The following DGKB variants were observed in gnomAD, a reference collection of about 807,000 sequenced individuals.
DGKB encodes the protein diacylglycerol kinase beta.
In DGKB, 67 loss-of-function variants were observed where a neutral mutation model predicts 114.3. That is an observed-to-expected ratio of 0.59 (90% CI 0.48 to 0.72). The LOEUF (loss-of-function observed/expected upper bound fraction) is 0.72, where lower values mean the gene tolerates loss of function less well. Among genes scored for constraint, DGKB ranks in the 30% least tolerant of loss-of-function variants. DGKB has a pLI of 0.00. For synonymous variants in DGKB, 398 were observed against 323.1 expected (o/e 1.23, Z -2.49); for missense variants, 907 against 975.2 (o/e 0.93, Z 0.93).
At chr7:14,726,439 G>A (rs936109485) in intron 5 of DGKB, among the ~76,000 whole-genome samples, 1 of 152,030 alleles carries the variant, frequency 6.6e-6, no homozygotes, top group African/African-American at 2.4e-5. Context: ...GGCCAGAATC[G>A]GAGTTTTATA....
chr7:14,785,926 C>A (rs1401139384), intron 2 of DGKB, among the ~76,000 whole-genome samples: 1 of 150,312 alleles, frequency 6.7e-6, no homozygotes, highest in African/African-American at 2.5e-5. Flanking sequence ...GTAAGATCTA[C>A]GGATAAAGAA....
chr7:14,683,276 G>T (rs1821141865), intron 10 of DGKB, among the ~76,000 whole-genome samples: 1 of 152,194 alleles, frequency 6.6e-6, no homozygotes, highest in East Asian at 1.9e-4. Flanking sequence ...ATGTTATTTT[G>T]TCTCTTATCT....
At chr7:14,631,701 G>A (rs1202436660) in intron 13 of DGKB, among the ~76,000 whole-genome samples, 2 of 152,002 alleles carry the variant, frequency 1.3e-5, no homozygotes, top group African/African-American at 2.4e-5. Flanking sequence ...CAGGGACAAC[G>A]AATATTTGTG....
intron 21 of DGKB, among the ~76,000 whole-genome samples, chr7:14,473,226 G>T (rs1202670960): frequency 1.3e-5 from 2 of 152,160 alleles, no homozygotes; most frequent in African/African-American, 4.8e-5. Context: ...GAAGCCAAGG[G>T]ACTTGGTGTC....
chr7:14,456,502 T>A (rs1195890722), intron 21 of DGKB, among the ~76,000 whole-genome samples: 1 of 152,022 alleles, frequency 6.6e-6, no homozygotes, highest in Non-Finnish European at 1.5e-5. Context: ...GAAATTGCAC[T>A]CAGTGTGGTC....
intron 2 of DGKB, among the ~76,000 whole-genome samples, chr7:14,770,185 G>A (rs1222099721): frequency 1.3e-5 from 2 of 152,044 alleles, no homozygotes; most frequent in Non-Finnish European, 2.9e-5. Flanking sequence ...TAAGTTGCAA[G>A]AAGCTGGTAG....
At chr7:14,609,198 C>G (rs1435491479) in intron 16 of DGKB, among the ~76,000 whole-genome samples, 1 of 151,990 alleles carries the variant, frequency 6.6e-6, no homozygotes, top group Non-Finnish European at 1.5e-5. Flanking sequence ...AAACCAGACA[C>G]TCAGGCCAAT....
At chr7:14,843,671 A>T (rs1848262461) in intron 1 of DGKB, among the ~76,000 whole-genome samples, 1 of 152,362 alleles carries the variant, frequency 6.6e-6, no homozygotes, top group African/African-American at 2.4e-5. Context: ...AGTGAGCCAG[A>T]ATAAGTTTTT....
intron 25 of DGKB, among the ~76,000 whole-genome samples, chr7:14,151,090 T>A (rs1469465814): frequency 6.6e-6 from 1 of 152,104 alleles, no homozygotes; most frequent in Non-Finnish European, 1.5e-5. Flanking sequence ...CGCACAAATG[T>A]CATTTTTAAA....
At chr7:14,470,218 A>C (rs777049330) in intron 21 of DGKB, among the ~76,000 whole-genome samples, 23 of 151,906 alleles carry the variant, frequency 1.5e-4, no homozygotes, top group Non-Finnish European at 3.1e-4. Flanking sequence ...TCCCTGCACA[A>C]CACCACTATT....
Position 14,807,668 on chromosome 7 carries a change from T to C in DGKB, c.70+33526A>G, listed in dbSNP as rs76838901. On this transcript the variant is annotated intron_variant, in intron 2 of 25. Transcript: ENST00000402815. ...ATATAGTCCTGGAAATAGCTCAACA[T>C]GCATCCTCTCTTCTCTGCCACAGAA... Among the ~76,000 whole-genome samples, 659 of 152,138 alleles carry C rather than the reference T, an allele frequency of 4.3e-3. 13 individuals are homozygous for C. The highest frequency in any genetic ancestry group is 0.038 in the East Asian group (199 of 5,178).
chr7:14,697,271 A>G (rs756066312), intron 8 of DGKB, among the ~76,000 whole-genome samples: 1 of 152,190 alleles, frequency 6.6e-6, no homozygotes. Context: ...TGGGCAAGTA[A>G]TTTTAACATA....
intron 2 of DGKB, among the ~76,000 whole-genome samples, chr7:14,800,869 C>T (rs1394639239): frequency 6.6e-6 from 1 of 152,078 alleles, no homozygotes; most frequent in Non-Finnish European, 1.5e-5. Context: ...TGGCCCCAAT[C>T]CTTCAGGAAT....
chr7:14,318,385 C>T (rs1001573686), intron 23 of DGKB, among the ~76,000 whole-genome samples: 5 of 152,062 alleles, frequency 3.3e-5, no homozygotes, highest in African/African-American at 1.2e-4. Context: ...GCAACCTACT[C>T]ATCTGACAAA....
chr7:14,420,213 TTC>T (rs1443185218), intron 21 of DGKB, among the ~76,000 whole-genome samples: 3 of 151,992 alleles, frequency 2.0e-5, no homozygotes, highest in East Asian at 1.9e-4. Context: ...TATATATGTA[TTC>T]TGTTTATATT....
intron 4 of DGKB, among the ~76,000 whole-genome samples, chr7:14,739,800 T>C (rs1418471038): frequency 6.6e-6 from 1 of 152,220 alleles, no homozygotes; most frequent in South Asian, 2.1e-4. Flanking sequence ...GTCTTTGCTA[T>C]GGCATTTTTC....
intron 21 of DGKB, among the ~76,000 whole-genome samples, chr7:14,388,904 A>G (rs1342602891): frequency 6.6e-6 from 1 of 152,198 alleles, no homozygotes; most frequent in Admixed American, 6.5e-5. Flanking sequence ...GCTTTTATAT[A>G]GAATTTCAAG....
chr7:14,230,590 A>G (rs1379244928), intron 23 of DGKB, among the ~76,000 whole-genome samples: 1 of 152,070 alleles, frequency 6.6e-6, no homozygotes, highest in Non-Finnish European at 1.5e-5. Context: ...AACGCATATA[A>G]TAAGAGAATT....
intron 23 of DGKB, among the ~76,000 whole-genome samples, chr7:14,291,015 G>A (rs1488803656): frequency 3.3e-5 from 5 of 151,740 alleles, no homozygotes; most frequent in African/African-American, 4.8e-5. Flanking sequence ...GGTGGCACAC[G>A]CCTGTAATCC....
Sources: gnomAD v4.1 joint callset for allele counts (sites outside exome capture counted in the v4.1 genomes callset) on GRCh38, gnomAD v4.1.1 for gene constraint, MANE v1.5 for transcripts, NCBI Gene and HGNC (gene_info 2026-07-23, HGNC 2026-07-21) for gene names.